The following PXT1 variants were observed in gnomAD, a reference collection of about 807,000 sequenced individuals.
PXT1 encodes the protein peroxisomal testis enriched protein 1.
PXT1 carries 11 observed loss-of-function variants against 11.0 expected under a neutral mutation model. The observed-to-expected ratio is 1.00, with a 90% CI of 0.63 to 1.66. The LOEUF (loss-of-function observed/expected upper bound fraction) is 1.66, where lower values mean the gene tolerates loss of function less well. Among genes scored for constraint, PXT1 ranks in the 40% most tolerant of loss-of-function variants. The pLI, the probability that PXT1 is intolerant of heterozygous loss-of-function variation, is 0.00. For synonymous variants in PXT1, 43 were observed against 51.4 expected (o/e 0.84, Z 0.70); for missense variants, 141 against 155.5 (o/e 0.91, Z 0.49).
intron 4 of PXT1, among the ~76,000 whole-genome samples, chr6:36,393,700 T>G (rs1774103975): frequency 6.6e-6 from 1 of 150,398 alleles, no homozygotes; most frequent in African/African-American, 2.5e-5. Context: ...CATTCTAGCC[T>G]GGATGACAGA....
rs1774146639 is a variant in PXT1 at position 36,396,526 on chromosome 6, G to A, written c.300+3928C>T. ...GGGCTGAGTCCCGCATGGCGCCGGA[G>A]GCAGATTGATTCCTGGGTGGAAGGG... On this transcript the variant is annotated intron_variant, in intron 4 of 4. Transcript: ENST00000454782. 4.6e-5 allele frequency among the ~76,000 whole-genome samples: 7 copies of A among 152,318 alleles called. No individual in the cohort carries two copies. In the South Asian group the frequency reaches 1.0e-3, roughly 23 times the overall value.
chr6:36,414,151 T>A (rs1348988505), intron 3 of PXT1, among the ~76,000 whole-genome samples: 1 of 68,818 alleles, frequency 1.5e-5, no homozygotes, highest in African/African-American at 4.9e-5. Flanking sequence ...AGAGTAAGAC[T>A]AAATTAAGAA....
At chr6:36,396,550 G>C (rs1005113018) in intron 4 of PXT1, among the ~76,000 whole-genome samples, 10 of 152,208 alleles carry the variant, frequency 6.6e-5, no homozygotes, top group African/African-American at 2.4e-4. Flanking sequence ...TGGGTGGAAG[G>C]GGGTGGGTCC....
At chr6:36,415,038 CA>C (rs1370543641) in intron 3 of PXT1, among the ~76,000 whole-genome samples, 4 of 152,010 alleles carry the variant, frequency 2.6e-5, no homozygotes, top group Non-Finnish European at 5.9e-5. Context: ...TAATTCTTAA[CA>C]ATCTTTGGTC....
intron 2 of PXT1, among the ~76,000 whole-genome samples, chr6:36,435,686 C>T (rs1046584478): frequency 6.6e-6 from 1 of 152,106 alleles, no homozygotes; most frequent in East Asian, 1.9e-4. Context: ...TACACACACA[C>T]ATCTTGGAAT....
At chr6:36,421,098 G>A (rs1774518740) in intron 3 of PXT1, among the ~76,000 whole-genome samples, 2 of 151,312 alleles carry the variant, frequency 1.3e-5, no homozygotes, top group Non-Finnish European at 2.9e-5. Context: ...TAATTGTATT[G>A]TGGTTATGCA....
At chr6:36,396,616 C>T (rs1774147705) in intron 4 of PXT1, among the ~76,000 whole-genome samples, 1 of 152,222 alleles carries the variant, frequency 6.6e-6, no homozygotes, top group South Asian at 2.1e-4. Flanking sequence ...GGCTAGGCTG[C>T]CAGTCCTGTG....
At chr6:36,413,719 A>G (rs1774408488) in intron 3 of PXT1, among the ~76,000 whole-genome samples, 1 of 151,830 alleles carries the variant, frequency 6.6e-6, no homozygotes, top group South Asian at 2.1e-4. Context: ...AGGCGGGGCC[A>G]GGCACAGTGG....
intron 4 of PXT1, among the ~76,000 whole-genome samples, chr6:36,398,129 G>A (rs62403731): frequency 0.039 from 5,921 of 152,218 alleles, 145 homozygotes; most frequent in African/African-American, 0.07. Flanking sequence ...ATGAAAAGAT[G>A]CACATTATTC....
In PXT1 at chr6:36,391,884, A is replaced by C. The variant is rs1335192593; in HGVS notation, c.301-10T>G. 2 of 1,557,528 alleles carry C rather than the reference A, an allele frequency of 1.3e-6. No homozygotes were observed. The highest frequency in any genetic ancestry group is 2.9e-5 in the African/African-American group (2 of 70,050). On this transcript the variant is annotated splice_polypyrimidine_tract_variant and intron_variant, in intron 4 of 4. Transcript: ENST00000454782. ...CATCCTGTTGAAGATCCTATTTGAA[A>C]AAAGGGAGACACAGAGAAAGGTTTT... is the stretch of plus-strand genomic sequence containing the variant.
intron 2 of PXT1, among the ~76,000 whole-genome samples, chr6:36,436,895 T>C (rs1481217292): frequency 6.6e-6 from 1 of 152,172 alleles, no homozygotes; most frequent in Non-Finnish European, 1.5e-5. Context: ...TATGGGATAT[T>C]TGATAAGTAG....
intron 3 of PXT1, among the ~76,000 whole-genome samples, chr6:36,406,443 G>A (rs1240731310): frequency 6.6e-6 from 1 of 152,102 alleles, no homozygotes; most frequent in Non-Finnish European, 1.5e-5. Flanking sequence ...TAAAAATTAT[G>A]AAGAGGAAGA....
chr6:36,411,400 G>A (rs1774374150), intron 3 of PXT1, among the ~76,000 whole-genome samples: 1 of 152,150 alleles, frequency 6.6e-6, no homozygotes, highest in Non-Finnish European at 1.5e-5. Context: ...GCAATGAGCT[G>A]AGATCCCGCC....
intron 2 of PXT1, among the ~76,000 whole-genome samples, chr6:36,428,089 G>A (rs1774634399): frequency 6.6e-6 from 1 of 152,090 alleles, no homozygotes; most frequent in East Asian, 1.9e-4. Flanking sequence ...TGATTTGTCA[G>A]GTAAGACATG....
chr6:36,398,769 G>C (rs1774176091), intron 4 of PXT1, among the ~76,000 whole-genome samples: 1 of 152,128 alleles, frequency 6.6e-6, no homozygotes, highest in African/African-American at 2.4e-5. Flanking sequence ...CTCATGGCTA[G>C]CTCCTTCATT....
At chr6:36,402,834 G>T (rs1774232495) in intron 3 of PXT1, among the ~76,000 whole-genome samples, 1 of 152,192 alleles carries the variant, frequency 6.6e-6, no homozygotes, top group Non-Finnish European at 1.5e-5. Flanking sequence ...CTCCCGGAGG[G>T]GAGGTTTTTT....
At chr6:36,411,370 G>A (rs1774373197) in intron 3 of PXT1, among the ~76,000 whole-genome samples, 1 of 152,170 alleles carries the variant, frequency 6.6e-6, no homozygotes, top group Non-Finnish European at 1.5e-5. Context: ...AGAATCGCTT[G>A]AACCCAGGAG....
chr6:36,410,572 A>T (rs1774358440), intron 3 of PXT1, among the ~76,000 whole-genome samples: 1 of 151,880 alleles, frequency 6.6e-6, no homozygotes, highest in South Asian at 2.1e-4. Flanking sequence ...GAAGAGAAGA[A>T]AGGAAGAAAT....
chr6:36,405,084 T>A (rs1183122111), intron 3 of PXT1, among the ~76,000 whole-genome samples: 2 of 152,280 alleles, frequency 1.3e-5, no homozygotes, highest in East Asian at 3.9e-4. Flanking sequence ...GACCTTCCCA[T>A]GGGACAAGAT....
Sources: gnomAD v4.1 joint callset for allele counts (sites outside exome capture counted in the v4.1 genomes callset) on GRCh38, gnomAD v4.1.1 for gene constraint, MANE v1.5 for transcripts, NCBI Gene and HGNC (gene_info 2026-07-23, HGNC 2026-07-21) for gene names.